SDK1: variants seen among roughly 807,000 people sequenced by gnomAD.
The protein encoded by SDK1 is sidekick cell adhesion molecule 1.
SDK1 carries 157 observed loss-of-function variants against 245.5 expected under a neutral mutation model. The observed-to-expected ratio is 0.64, with a 90% CI of 0.56 to 0.73. The LOEUF is 0.73. SDK1 is among the 30% of genes least tolerant of loss of function. The pLI, the probability that SDK1 is intolerant of heterozygous loss-of-function variation, is 0.00. For missense variants in SDK1, 3,583 were observed against 3,002.3 expected (o/e 1.19, Z -4.52); for synonymous variants, 1,647 against 1,278.5 (o/e 1.29, Z -6.15).
At chr7:3,609,493 C>G (rs534432612) in intron 1 of SDK1, among the ~76,000 whole-genome samples, 1 of 152,024 alleles carries the variant, frequency 6.6e-6, no homozygotes, top group East Asian at 1.9e-4. Flanking sequence ...CTCTGCTTCC[C>G]GGTTTCAAAC....
At chr7:3,963,920 G>A (rs1370680661) in intron 9 of SDK1, among the ~76,000 whole-genome samples, 1 of 151,354 alleles carries the variant, frequency 6.6e-6, no homozygotes, top group Non-Finnish European at 1.5e-5. Context: ...TACCTGACCT[G>A]GACGTATCCA....
chr7:4,265,865 G>A lies in SDK1; in HGVS notation c.*481G>A, dbSNP rs940645733. On this transcript the variant is annotated 3_prime_UTR_variant, in exon 45 of 45. Coordinates refer to ENST00000404826, the MANE Select transcript of SDK1 (RefSeq NM_152744.4). ...ACGCAGGACATCCTCGGCGGCTCCT[G>A]GGGTTTGAAGAGCAAACGTTTTTCC... is the stretch of plus-strand genomic sequence containing the variant. 1.7e-5 allele frequency: 17 copies of A among 988,380 alleles called. No homozygotes were observed. Among genetic ancestry groups the A allele is most frequent in the Non-Finnish European group, 2.0e-5 (17 of 832,276 alleles). 61.2% of individuals were successfully genotyped at this position (988,380 alleles called of 1,614,324 possible). A position where few individuals can be genotyped will look rare whatever the true frequency, so the allele number is the denominator to read the frequency against.
At chr7:3,869,823 C>G (rs10281035) in intron 5 of SDK1, among the ~76,000 whole-genome samples, 12 of 152,202 alleles carry the variant, frequency 7.9e-5, no homozygotes, top group African/African-American at 2.7e-4. Flanking sequence ...AAATTAAAAA[C>G]CAACCTAACA....
intron 1 of SDK1, among the ~76,000 whole-genome samples, chr7:3,388,389 T>TA (rs1196856397): frequency 6.7e-4 from 96 of 143,074 alleles, no homozygotes; most frequent in African/African-American, 1.9e-3. Context: ...GATTGAAGAT[T>TA]AAAAAAAAAA....
chr7:3,304,567 C>G (rs980434821), intron 1 of SDK1, among the ~76,000 whole-genome samples: 2 of 152,168 alleles, frequency 1.3e-5, no homozygotes, highest in Non-Finnish European at 2.9e-5. Flanking sequence ...TCCTCAGTTT[C>G]TCATTTGAAA....
At chr7:3,525,441 G>A (rs1030484989) in intron 1 of SDK1, among the ~76,000 whole-genome samples, 5 of 152,080 alleles carry the variant, frequency 3.3e-5, no homozygotes, top group African/African-American at 1.2e-4. Flanking sequence ...GGAGGTTGAT[G>A]GCATAGTACA....
At chr7:3,476,495 CA>C (rs1231622020) in intron 1 of SDK1, among the ~76,000 whole-genome samples, 1 of 152,158 alleles carries the variant, frequency 6.6e-6, no homozygotes, top group African/African-American at 2.4e-5. Flanking sequence ...CCGAATGATA[CA>C]ACTTAGTGAA....
chr7:3,842,632 G>A (rs1353770645), intron 5 of SDK1, among the ~76,000 whole-genome samples: 3 of 152,132 alleles, frequency 2.0e-5, no homozygotes, highest in African/African-American at 7.2e-5. Context: ...TCAGTGGACA[G>A]TTGTGACGAA....
At chr7:3,731,388 A>G (rs1203435825) in intron 4 of SDK1, among the ~76,000 whole-genome samples, 4 of 152,154 alleles carry the variant, frequency 2.6e-5, no homozygotes, top group Non-Finnish European at 5.9e-5. Flanking sequence ...TCAGCGTGGG[A>G]GGGCACTGTC....
In SDK1 at chr7:3,321,160, T is replaced by C. The variant is rs943476390; in HGVS notation, c.298+19276T>C. Among the ~76,000 whole-genome samples the C allele has an allele frequency of 2.6e-5, 4 of 152,178 alleles. No individual in the cohort carries two copies. In the East Asian group the frequency reaches 7.7e-4, roughly 29 times the overall value. Reference sequence around the variant, plus strand: ...TTCATCATACGTGAAATAAAATCTTTTTGAAACTAAAAATCCTTTAAAAAA... The same window carrying C: ...TTCATCATACGTGAAATAAAATCTTCTTGAAACTAAAAATCCTTTAAAAAA... On this transcript the variant is annotated intron_variant, in intron 1 of 44. Transcript: ENST00000404826.
chr7:3,411,503 T>C (rs779128476), intron 1 of SDK1, among the ~76,000 whole-genome samples: 34 of 152,300 alleles, frequency 2.2e-4, no homozygotes, highest in Admixed American at 4.6e-4. Context: ...GTTTTACCAA[T>C]AGAGTATTCT....
intron 4 of SDK1, among the ~76,000 whole-genome samples, chr7:3,652,386 G>C (rs557094056): frequency 6.6e-6 from 1 of 152,346 alleles, no homozygotes; most frequent in South Asian, 2.1e-4. Flanking sequence ...ACAAGCCTGG[G>C]AAGGAGGGCC....
intron 1 of SDK1, among the ~76,000 whole-genome samples, chr7:3,553,416 A>G (rs1779478402): frequency 6.6e-6 from 1 of 152,200 alleles, no homozygotes; most frequent in Non-Finnish European, 1.5e-5. Flanking sequence ...TGCAAGAAAC[A>G]GAAGGAGAAC....
chr7:3,569,641 G>A (rs543452244), intron 1 of SDK1, among the ~76,000 whole-genome samples: 1 of 152,298 alleles, frequency 6.6e-6, no homozygotes, highest in African/African-American at 2.4e-5. Context: ...CTACAGAAGT[G>A]CTCACAAGAG....
At chr7:3,624,143 C>G (rs530063336) in intron 2 of SDK1, among the ~76,000 whole-genome samples, 21 of 152,256 alleles carry the variant, frequency 1.4e-4, no homozygotes, top group African/African-American at 4.8e-4. Flanking sequence ...TCCTTTGAAG[C>G]CATCATAGAA....
At chr7:3,385,041 T>C (rs1413467543) in intron 1 of SDK1, among the ~76,000 whole-genome samples, 1 of 152,036 alleles carries the variant, frequency 6.6e-6, no homozygotes, top group African/African-American at 2.4e-5. Flanking sequence ...ACCTGAAACA[T>C]CAAACACAAA....
In SDK1 at chr7:3,977,382, T is replaced by C. The variant is rs909866824; in HGVS notation, c.1994+2837T>C. 5.8e-3 allele frequency among the ~76,000 whole-genome samples: 459 copies of C among 78,540 alleles called. 10 individuals are homozygous for C. Among genetic ancestry groups the C allele is most frequent in the African/African-American group, 0.015 (252 of 16,570 alleles). The allele number at this position is 78,540 out of a possible 152,430, so 51.5% of individuals were successfully genotyped here. A position where few individuals can be genotyped will look rare whatever the true frequency, so the allele number is the denominator to read the frequency against. On this transcript the variant is annotated intron_variant, in intron 13 of 44. Coordinates refer to ENST00000404826, the MANE Select transcript of SDK1 (RefSeq NM_152744.4). ...GGGGCTGAGGCTGCCACACAGACGG[T>C]CCTCCAGAGAATCACTGGGGGTCCC...
At chr7:3,784,133 C>T (rs1346717834) in intron 4 of SDK1, among the ~76,000 whole-genome samples, 3 of 150,040 alleles carry the variant, frequency 2.0e-5, no homozygotes, top group Non-Finnish European at 3.0e-5. Flanking sequence ...ATTGCCCAGG[C>T]TAGTCTCAAA....
chr7:4,093,458 CAAAA>C (rs71032922), intron 22 of SDK1, among the ~76,000 whole-genome samples: 21 of 77,762 alleles, frequency 2.7e-4, no homozygotes, highest in East Asian at 1.3e-3. Flanking sequence ...AAATGGAAAG[CAAAA>C]AAAAAAAAAA....
Sources: gnomAD v4.1 joint callset for allele counts (sites outside exome capture counted in the v4.1 genomes callset) on GRCh38, gnomAD v4.1.1 for gene constraint, MANE v1.5 for transcripts, NCBI Gene and HGNC (gene_info 2026-07-23, HGNC 2026-07-21) for gene names.